Variants in STT3B observed in about 807,000 individuals in gnomAD.
STT3B encodes STT3 oligosaccharyltransferase complex catalytic subunit B.
In STT3B, 29 loss-of-function variants were observed where a neutral mutation model predicts 96.8. That is an observed-to-expected ratio of 0.30 (90% CI 0.22 to 0.41). STT3B has a LOEUF of 0.41. Ranked by LOEUF, STT3B falls within the 10% of genes least tolerant of loss-of-function variation. The probability of loss-of-function intolerance (pLI) is 1.00; values close to 1 mark genes in which losing one functional copy is unlikely to be tolerated. For synonymous variants in STT3B, 367 were observed against 360.0 expected, an observed-to-expected ratio of 1.02 and a Z score of -0.22; for missense variants, 640 against 1,022.3, an observed-to-expected ratio of 0.63 and a Z score of 5.10.
At chr3:31,544,977 A>G (rs1417768604) in intron 1 of STT3B, among the ~76,000 whole-genome samples, 2 of 152,170 alleles carry the variant, frequency 1.3e-5, no homozygotes, top group East Asian at 3.8e-4. Flanking sequence ...CTTAATTTTT[A>G]AAATTTAATA....
chr3:31,582,135 A>G (rs1048046011), intron 3 of STT3B, among the ~76,000 whole-genome samples: 2 of 151,704 alleles, frequency 1.3e-5, no homozygotes, highest in Admixed American at 6.6e-5. Context: ...TAAAGAACCA[A>G]CTTTTGGTTT....
intron 5 of STT3B, among the ~76,000 whole-genome samples, chr3:31,610,469 G>A (rs1699158165): frequency 9.3e-6 from 1 of 107,818 alleles, no homozygotes. Flanking sequence ...AAAGAGCACT[G>A]TCAATGTAAG....
At chr3:31,576,056 G>A (rs992952027) in intron 1 of STT3B, among the ~76,000 whole-genome samples, 1 of 152,036 alleles carries the variant, frequency 6.6e-6, no homozygotes, top group African/African-American at 2.4e-5. Flanking sequence ...CAATTCTGGT[G>A]AGTGTACCGT....
intron 3 of STT3B, among the ~76,000 whole-genome samples, chr3:31,587,359 T>G (rs910388664): frequency 6.6e-6 from 1 of 152,122 alleles, no homozygotes; most frequent in African/African-American, 2.4e-5. Context: ...ATTTGCCTAT[T>G]CTGGAATTCC....
chr3:31,534,630 A>G (rs1264793008), intron 1 of STT3B, among the ~76,000 whole-genome samples: 1 of 152,202 alleles, frequency 6.6e-6, no homozygotes, highest in Non-Finnish European at 1.5e-5. Flanking sequence ...TTACCTGTAT[A>G]GTAATATACC....
intron 3 of STT3B, among the ~76,000 whole-genome samples, chr3:31,590,059 T>G (rs899608025): frequency 6.6e-6 from 1 of 151,962 alleles, no homozygotes; most frequent in African/African-American, 2.4e-5. Flanking sequence ...TTTTCATGAG[T>G]AATTTGGTAA....
Position 31,532,981 on chromosome 3 carries a change from C to G in STT3B, c.-18C>G, listed in dbSNP as rs576191464. 2 of 1,581,132 alleles carry G rather than the reference C, an allele frequency of 1.3e-6. No homozygotes were observed. Among genetic ancestry groups the G allele is most frequent in the South Asian group, 1.1e-5 (1 of 88,710 alleles). On this transcript the variant is annotated 5_prime_UTR_variant, in exon 1 of 16. Transcript: ENST00000295770. ...CGGCGGCGGAGGAGGAGAGCTAGAC[C>G]CGCCGCCGGGGCACAACATGGCGGA...
At chr3:31,587,227 C>A (rs930475320) in intron 3 of STT3B, among the ~76,000 whole-genome samples, 2 of 151,620 alleles carry the variant, frequency 1.3e-5, no homozygotes, top group Admixed American at 1.3e-4. Context: ...CCAAGTTGTA[C>A]CATTACCACT....
chr3:31,559,486 A>G (rs190402376), intron 1 of STT3B, among the ~76,000 whole-genome samples: 64 of 151,776 alleles, frequency 4.2e-4, no homozygotes, highest in Non-Finnish European at 8.0e-4. Flanking sequence ...CATGTTGTTT[A>G]AGTTCCATGT....
chr3:31,535,336 A>ATT (rs879872078), intron 1 of STT3B, among the ~76,000 whole-genome samples: 5 of 143,886 alleles, frequency 3.5e-5, no homozygotes, highest in Non-Finnish European at 7.6e-5. Context: ...TATTTTTATT[A>ATT]TTTTTTTTTT....
chr3:31,591,898 C>A (rs1698672696), intron 3 of STT3B, among the ~76,000 whole-genome samples: 1 of 151,952 alleles, frequency 6.6e-6, no homozygotes, highest in South Asian at 2.1e-4. Context: ...TTTTCTAGAG[C>A]AAATCTGCTG....
chr3:31,617,841 AGTTT>A (rs1418635289), intron 7 of STT3B, 95 bp from the exon 8 acceptor site: 6 of 826,890 alleles, frequency 7.3e-6, no homozygotes, highest in African/African-American at 1.7e-5. Flanking sequence ...TTTGAACATT[AGTTT>A]GTCTATCTAT....
At chr3:31,628,174 T>C (rs1419091819) in intron 13 of STT3B, among the ~76,000 whole-genome samples, 1 of 130,492 alleles carries the variant, frequency 7.7e-6, no homozygotes, top group Non-Finnish European at 1.5e-5. Context: ...TTTCAAAACA[T>C]GGTGTACACC....
chr3:31,583,101 G>A (rs1457334585), intron 3 of STT3B, among the ~76,000 whole-genome samples: 1 of 152,050 alleles, frequency 6.6e-6, no homozygotes, highest in Non-Finnish European at 1.5e-5. Flanking sequence ...CTGTCTGGTT[G>A]TTCTATCCAT....
Position 31,583,745 on chromosome 3 carries a change from G to A in STT3B, c.711+3649G>A, listed in dbSNP as rs572023627. On this transcript the variant is annotated intron_variant, in intron 3 of 15. Transcript: ENST00000295770. ...TAAAGAGGTACTGATTTCTGTGGTT[G>A]TGCTGTTTTCTACATGCCTTATAGC... Among the ~76,000 whole-genome samples, 9 of 152,144 alleles carry A rather than the reference G, an allele frequency of 5.9e-5. No homozygotes were observed. In the South Asian group the frequency reaches 1.7e-3, roughly 28 times the overall value.
At chr3:31,634,465 G>T (rs1254282017) in intron 15 of STT3B, among the ~76,000 whole-genome samples, 1 of 152,112 alleles carries the variant, frequency 6.6e-6, no homozygotes, top group African/African-American at 2.4e-5. Context: ...TGTCTTGTGT[G>T]CCCAAAACAT....
At chr3:31,564,775 A>G (rs991348434) in intron 1 of STT3B, among the ~76,000 whole-genome samples, 2 of 152,218 alleles carry the variant, frequency 1.3e-5, no homozygotes, top group African/African-American at 4.8e-5. Flanking sequence ...AGGATTGCCA[A>G]TAAAAAGTAA....
intron 8 of STT3B, among the ~76,000 whole-genome samples, chr3:31,618,709 A>G (rs1699364386): frequency 6.6e-6 from 1 of 152,070 alleles, no homozygotes; most frequent in South Asian, 2.1e-4. Context: ...GTCTAATTAA[A>G]GGACATAAGC....
In STT3B at chr3:31,600,421, T is replaced by C. The variant is rs1698904037; in HGVS notation, c.839T>C (p.Leu280Ser). ...INLIPLHVFV[L>S]LLMQRYSKRV... Reference sequence around the variant, plus strand: ...CTTATTCCACTGCATGTATTTGTGTTGTTACTGATGCAGAGATACAGCAAA... The same window carrying C: ...CTTATTCCACTGCATGTATTTGTGTCGTTACTGATGCAGAGATACAGCAAA... Residue 280 changes from leucine (L) to serine (S), a missense_variant, in exon 5 of 16, where the codon TTG (leucine) becomes TCG (serine). Physicochemically the swap from Leu to Ser is moderately radical, Grantham distance 145. Transcript: ENST00000295770. 3.1e-6 allele frequency: 5 copies of C among 1,597,202 alleles called. No individual in the cohort carries two copies. The highest frequency in any genetic ancestry group is 4.3e-6 in the Non-Finnish European group (5 of 1,167,748).
Sources: allele counts gnomAD v4.1 joint callset (sites outside exome capture counted in the v4.1 genomes callset), GRCh38; gene constraint gnomAD v4.1.1; transcripts MANE v1.5; gene names NCBI Gene and HGNC (gene_info 2026-07-23, HGNC 2026-07-21).